Variants in TDRD9 observed in about 807,000 individuals in gnomAD.
TDRD9 encodes ATP-dependent RNA helicase TDRD9.
In TDRD9, 124 loss-of-function variants were observed where a neutral mutation model predicts 172.6. The observed-to-expected ratio is 0.72, with a 90% CI of 0.62 to 0.83. The LOEUF is 0.83. TDRD9 is among the 40% of genes least tolerant of loss of function. The pLI, the probability that TDRD9 is intolerant of heterozygous loss-of-function variation, is 0.00. For missense variants in TDRD9, 1,479 were observed against 1,714.1 expected (o/e 0.86, Z 2.42); for synonymous variants, 619 against 617.1 (o/e 1.00, Z -0.05).
At chr14:104,035,126 C>T (rs974536226) in intron 32 of TDRD9, 70 bp downstream of exon 32, 12 of 1,241,750 alleles carry the variant, frequency 9.7e-6, no homozygotes, top group Non-Finnish European at 1.1e-5. Context: ...GGGTGCCTCT[C>T]CTTGCTCCTT....
At chr14:103,947,921 A>G (rs939034532) in intron 1 of TDRD9, among the ~76,000 whole-genome samples, 4 of 152,246 alleles carry the variant, frequency 2.6e-5, no homozygotes, top group African/African-American at 9.6e-5. Flanking sequence ...AAGGCAGCTC[A>G]CAAGATGGAG....
intron 13 of TDRD9, among the ~76,000 whole-genome samples, chr14:103,999,537 G>A (rs564649181): frequency 1.3e-5 from 2 of 152,242 alleles, no homozygotes; most frequent in South Asian, 4.2e-4. Context: ...GTATATTCAT[G>A]ACATACCTGG....
intron 33 of TDRD9, among the ~76,000 whole-genome samples, chr14:104,041,372 A>G (rs1461580122): frequency 6.6e-6 from 1 of 152,238 alleles, no homozygotes; most frequent in African/African-American, 2.4e-5. Flanking sequence ...GGAAATTGAT[A>G]CGTTTGAATT....
intron 27 of TDRD9, 97 bp downstream of exon 27, chr14:104,026,233 C>A: frequency 2.4e-6 from 2 of 841,946 alleles, no homozygotes; most frequent in Non-Finnish European, 3.9e-6. Flanking sequence ...CGGCTTACAG[C>A]TAGGGGAGCC....
chr14:104,049,515 G>C (rs2140941390), intron 34 of TDRD9, 93 bp from the exon 35 acceptor site: 1 of 968,606 alleles, frequency 1.0e-6, no homozygotes, highest in South Asian at 1.8e-5. Context: ...AATTCTGTGG[G>C]AAGCATATAG....
chr14:103,975,954 C>T (rs371368287), intron 7 of TDRD9, among the ~76,000 whole-genome samples: 2 of 152,228 alleles, frequency 1.3e-5, no homozygotes, highest in African/African-American at 4.8e-5. Flanking sequence ...ATAGTGGGAC[C>T]CTCATCTCTC....
At chr14:103,995,592 T>C (rs1207221731) in intron 11 of TDRD9, among the ~76,000 whole-genome samples, 158 bp from the exon 12 acceptor site, 1 of 152,246 alleles carries the variant, frequency 6.6e-6, no homozygotes, top group Non-Finnish European at 1.5e-5. Context: ...TCTTGATCAA[T>C]TGTGATGTGT....
chr14:104,050,176 G>C (rs1399610565), intron 35 of TDRD9, among the ~76,000 whole-genome samples: 1 of 152,170 alleles, frequency 6.6e-6, no homozygotes, highest in Non-Finnish European at 1.5e-5. Flanking sequence ...GTCCTTGTGA[G>C]GACCTCTGAG....
chr14:104,035,225 G>A (rs578167776), intron 32 of TDRD9, among the ~76,000 whole-genome samples, 169 bp downstream of exon 32: 1 of 152,056 alleles, frequency 6.6e-6, no homozygotes, highest in East Asian at 1.9e-4. Context: ...TTTATGCTTG[G>A]GCTGATTTTG....
chr14:104,047,853 G>T (rs1249914603), intron 34 of TDRD9, among the ~76,000 whole-genome samples: 1 of 152,164 alleles, frequency 6.6e-6, no homozygotes. Context: ...TAGGATTTCT[G>T]TTGTTTCTTT....
chr14:103,948,265 C>T (rs913611890), intron 1 of TDRD9, among the ~76,000 whole-genome samples: 2 of 152,006 alleles, frequency 1.3e-5, no homozygotes, highest in Non-Finnish European at 2.9e-5. Context: ...GATCCTCCCA[C>T]CTTCACCTCC....
At chr14:104,036,421 C>G (rs553354778) in intron 32 of TDRD9, among the ~76,000 whole-genome samples, 1 of 152,264 alleles carries the variant, frequency 6.6e-6, no homozygotes, top group African/African-American at 2.4e-5. Flanking sequence ...GGTGGGGAGA[C>G]AGATGTGCAG....
chr14:103,982,806 C>T (rs998901774), intron 7 of TDRD9, among the ~76,000 whole-genome samples: 5 of 152,270 alleles, frequency 3.3e-5, no homozygotes, highest in Non-Finnish European at 7.4e-5. Flanking sequence ...GAGGCTGAGG[C>T]AGGAGAATTG....
At chr14:103,987,375 A>G (rs779095360) in intron 8 of TDRD9, among the ~76,000 whole-genome samples, 2 of 152,176 alleles carry the variant, frequency 1.3e-5, no homozygotes, top group Non-Finnish European at 2.9e-5. Flanking sequence ...GTCTGGATGT[A>G]CCTTGTTCAT....
intron 34 of TDRD9, among the ~76,000 whole-genome samples, chr14:104,045,629 A>G (rs149440672): frequency 2.0e-5 from 3 of 152,344 alleles, no homozygotes; most frequent in African/African-American, 7.2e-5. Flanking sequence ...TGAATGTGAT[A>G]TGTTTGAAAC....
chr14:103,979,746 C>T (rs2033396837), intron 7 of TDRD9, among the ~76,000 whole-genome samples: 1 of 152,180 alleles, frequency 6.6e-6, no homozygotes, highest in Non-Finnish European at 1.5e-5. Flanking sequence ...CAGGTTTCTC[C>T]ATTATGCATT....
intron 7 of TDRD9, among the ~76,000 whole-genome samples, chr14:103,976,443 T>C (rs1442003516): frequency 6.6e-6 from 1 of 151,984 alleles, no homozygotes; most frequent in Admixed American, 6.6e-5. Context: ...CTGGCTAATT[T>C]TTTGTATTTT....
chr14:104,012,657 G>A (rs1217713434), intron 20 of TDRD9, among the ~76,000 whole-genome samples: 2 of 151,984 alleles, frequency 1.3e-5, no homozygotes, highest in African/African-American at 4.8e-5. Flanking sequence ...ATTATGAGCA[G>A]CTTTAGCCAC....
chr14:103,940,892 T>C, intron 1 of TDRD9: 1 of 1,535,326 alleles, frequency 6.5e-7, no homozygotes, highest in Non-Finnish European at 8.7e-7. Context: ...TCTACGTAAC[T>C]GGAAATGGTG....
Sources: allele counts gnomAD v4.1 joint callset (sites outside exome capture counted in the v4.1 genomes callset), GRCh38; gene constraint gnomAD v4.1.1; transcripts MANE v1.5; gene names NCBI Gene and HGNC (gene_info 2026-07-23, HGNC 2026-07-21).